The following SGCD variants were observed in gnomAD, a reference collection of about 807,000 sequenced individuals.
SGCD encodes the protein sarcoglycan delta.
In SGCD, 18 loss-of-function variants were observed where a neutral mutation model predicts 36.6. The observed-to-expected ratio is 0.49, with a 90% CI of 0.34 to 0.73. The LOEUF (loss-of-function observed/expected upper bound fraction) is 0.73, where lower values mean the gene tolerates loss of function less well. Among genes scored for constraint, SGCD ranks in the 30% least tolerant of loss-of-function variants. The probability of loss-of-function intolerance (pLI) is 0.01; values close to 1 mark genes in which losing one functional copy is unlikely to be tolerated. For missense variants in SGCD, 387 were observed against 346.7 expected (o/e 1.12, Z -0.92); for synonymous variants, 133 against 130.6 (o/e 1.02, Z -0.12).
chr5:156,115,039 C>A (rs1055959879), intron 1 of SGCD, among the ~76,000 whole-genome samples: 2 of 152,026 alleles, frequency 1.3e-5, no homozygotes, highest in African/African-American at 4.8e-5. Flanking sequence ...GTGTGCTAAT[C>A]ACCCAGCTTT....
At position 156,394,345 on chromosome 5, in the gene SGCD, C is replaced by T. The variant is rs6859402; in HGVS notation, c.192+49668C>T. Among the ~76,000 whole-genome samples, 417 of 152,160 alleles carry T rather than the reference C, an allele frequency of 2.7e-3. 2 individuals are homozygous for T. The highest frequency in any genetic ancestry group is 9.4e-3 in the African/African-American group (391 of 41,502). ...CTTCAGTACTTTGAACATAATAGCT[C>T]CAATAACTGAAGAAGGGGTAAATTA... On this transcript the variant is annotated intron_variant, in intron 3 of 8. Coordinates refer to ENST00000337851, the MANE Select transcript of SGCD (RefSeq NM_000337.6).
intron 7 of SGCD, among the ~76,000 whole-genome samples, chr5:156,695,530 TAGATAGATAGATAGATAGA>T (rs1361826629): frequency 7.8e-6 from 1 of 128,914 alleles, no homozygotes; most frequent in African/African-American, 2.9e-5. Context: ...GATAGATAGA[TAGATAGATAGATAGATAGA>T]TAGATAGATA....
intron 3 of SGCD, chr5:156,124,106 T>G (rs1403255724): frequency 6.6e-6 from 1 of 152,220 alleles, no homozygotes; most frequent in Non-Finnish European, 1.5e-5. Flanking sequence ...CTCCTCCCCC[T>G]TTCCCTGACC....
chr5:156,292,838 T>A (rs908087233), intron 3 of SGCD, among the ~76,000 whole-genome samples: 3 of 152,138 alleles, frequency 2.0e-5, no homozygotes, highest in Non-Finnish European at 2.9e-5. Context: ...ACTTTTCATT[T>A]CCCCAATGAT....
At chr5:155,830,440 C>T in the SGCD span, among the ~76,000 whole-genome samples, 1 of 152,138 alleles carries the variant, frequency 6.6e-6, no homozygotes, top group Non-Finnish European at 1.5e-5. Flanking sequence ...CCTCTATCTC[C>T]AAATGCAGTC....
At chr5:156,728,856 G>A (rs1424244635) in intron 7 of SGCD, among the ~76,000 whole-genome samples, 2 of 152,032 alleles carry the variant, frequency 1.3e-5, no homozygotes, top group Non-Finnish European at 1.5e-5. Context: ...ACTGATGATT[G>A]ATGTTGTCTA....
At chr5:156,334,609 CTTTTTTTTTTT>C (rs35767339) in intron 2 of SGCD, among the ~76,000 whole-genome samples, 11 of 105,092 alleles carry the variant, frequency 1.0e-4, no homozygotes, top group Admixed American at 2.2e-4. Context: ...GGTCTATTTT[CTTTTTTTTTTT>C]TTTTTTTTTG....
chr5:156,733,967 T>G (rs1756215944), intron 7 of SGCD, among the ~76,000 whole-genome samples: 1 of 152,092 alleles, frequency 6.6e-6, no homozygotes, highest in African/African-American at 2.4e-5. Context: ...CTCATCATGA[T>G]CTTAGCGGGT....
In SGCD at chr5:156,759,376, A is replaced by G. The variant is rs1197015341; in HGVS notation, c.859A>G (p.Ser287Gly). The change falls in exon 9 of 9, where the codon AGT (serine) becomes GGT (glycine). Residue 287 changes from serine (S) to glycine (G), a missense_variant. Physicochemically the swap from Ser to Gly is moderately conservative, Grantham distance 56 (BLOSUM62 0). Transcript: ENST00000337851. ...TGGGTCCACTTGTCAGATAAACACA[A>G]GTGTCTGCCTCTGAAAGACTATCCA... Reference protein sequence around the residue: ...GAGSTCQINTSVCL With the variant: ...GAGSTCQINTGVCL 1 of 1,608,626 alleles carries G rather than the reference A, an allele frequency of 6.2e-7. No individual in the cohort carries two copies. The highest frequency in any genetic ancestry group is 8.5e-7 in the Non-Finnish European group (1 of 1,175,754).
chr5:156,545,848 C>G (rs1415096752), intron 4 of SGCD, among the ~76,000 whole-genome samples: 2 of 152,134 alleles, frequency 1.3e-5, no homozygotes, highest in African/African-American at 4.8e-5. Flanking sequence ...TGGGGACATT[C>G]AAAGAATGTT....
intron 3 of SGCD, among the ~76,000 whole-genome samples, chr5:156,161,583 C>G (rs1023450463): frequency 6.6e-6 from 1 of 151,864 alleles, no homozygotes; most frequent in African/African-American, 2.4e-5. Flanking sequence ...AAAACCAAGG[C>G]TATATATGTT....
chr5:156,117,567 C>T (rs531572824), intron 1 of SGCD, among the ~76,000 whole-genome samples: 2 of 152,198 alleles, frequency 1.3e-5, no homozygotes, highest in Admixed American at 1.3e-4. Context: ...ATATTGGCAG[C>T]AAACAACTGC....
intron 4 of SGCD, among the ~76,000 whole-genome samples, chr5:156,517,028 G>T (rs901743569): frequency 5.3e-5 from 8 of 152,086 alleles, no homozygotes; most frequent in Non-Finnish European, 1.2e-4. Flanking sequence ...AAACAGGTGG[G>T]TAATAACGGA....
chr5:156,170,098 G>A (rs1237171977), intron 3 of SGCD, among the ~76,000 whole-genome samples: 1 of 152,186 alleles, frequency 6.6e-6, no homozygotes, highest in African/African-American at 2.4e-5. Flanking sequence ...AGTAACACCA[G>A]CAAGCGCTGA....
intron 7 of SGCD, among the ~76,000 whole-genome samples, chr5:156,720,508 A>G (rs1210349559): frequency 6.6e-6 from 1 of 152,110 alleles, no homozygotes; most frequent in East Asian, 1.9e-4. Flanking sequence ...CAGGGTGAAA[A>G]AGGGGAAGAA....
chr5:156,252,376 G>A (rs755277829), intron 3 of SGCD, among the ~76,000 whole-genome samples: 3 of 152,050 alleles, frequency 2.0e-5, no homozygotes, highest in Admixed American at 2.0e-4. Context: ...TGTGCCTGGC[G>A]ATATTAACAT....
intron 3 of SGCD, among the ~76,000 whole-genome samples, chr5:156,298,500 C>T: frequency 6.6e-6 from 1 of 151,544 alleles, no homozygotes; most frequent in East Asian, 1.9e-4. Context: ...TTTTGATTTG[C>T]ATTTCTCTGA....
chr5:156,176,334 C>T lies in SGCD; in HGVS notation c.-44+52315C>T, dbSNP rs560578550. Among the ~76,000 whole-genome samples, 81 of 152,020 alleles carry T rather than the reference C, an allele frequency of 5.3e-4. 1 individual carries two copies. The highest frequency in any genetic ancestry group is 1.8e-3 in the African/African-American group (75 of 41,456). ...CCTCAAGTTATTGGCTTATAGGCTT[C>T]GTTCAAATAGCAACGTACTATAGAT... On this transcript the variant is annotated intron_variant, in intron 3 of 9. Coordinates refer to the SGCD transcript ENST00000517913.
intron 3 of SGCD, among the ~76,000 whole-genome samples, chr5:156,227,724 G>T (rs1325687048): frequency 6.6e-6 from 1 of 152,040 alleles, no homozygotes; most frequent in Admixed American, 6.6e-5. Context: ...TCCTTGAGGT[G>T]CAACGTTAGA....
Sources: gnomAD v4.1 joint callset for allele counts (sites outside exome capture counted in the v4.1 genomes callset) on GRCh38, gnomAD v4.1.1 for gene constraint, MANE v1.5 for transcripts, NCBI Gene and HGNC (gene_info 2026-07-23, HGNC 2026-07-21) for gene names.